NTRK3: variants seen among roughly 807,000 people sequenced by gnomAD.
The protein encoded by NTRK3 is neurotrophic receptor tyrosine kinase 3, also known as NT-3 growth factor receptor.
A neutral mutation model predicts 91.7 loss-of-function variants in NTRK3; 24 were observed. That is an observed-to-expected ratio of 0.26 (90% CI 0.19 to 0.37). The LOEUF (loss-of-function observed/expected upper bound fraction) is 0.37, where lower values mean the gene tolerates loss of function less well. Ranked by LOEUF, NTRK3 falls within the 10% of genes least tolerant of loss-of-function variation. NTRK3 has a pLI of 1.00. For synonymous variants in NTRK3, 483 were observed against 404.0 expected (o/e 1.20, Z -2.34); for missense variants, 880 against 1,068.9 (o/e 0.82, Z 2.46).
chr15:88,192,413 G>A (rs1217140237), intron 3 of NTRK3, among the ~76,000 whole-genome samples: 1 of 152,092 alleles, frequency 6.6e-6, no homozygotes, highest in Non-Finnish European at 1.5e-5. Flanking sequence ...GCTGGCACAG[G>A]ATGGCAACCC....
chr15:88,157,266 C>A lies in NTRK3; in HGVS notation c.396-9863G>T, dbSNP rs78875026. ...ACCACACTACACACCATACCACGCACACATATTCAAACATACACACTTATC... is the reference window on the plus strand; with the variant it reads ...ACCACACTACACACCATACCACGCAAACATATTCAAACATACACACTTATC... On this transcript the variant is annotated intron_variant, in intron 5 of 18. Transcript: ENST00000394480. 6.0e-3 allele frequency among the ~76,000 whole-genome samples: 915 copies of A among 152,216 alleles called. 11 individuals carry two copies. Among genetic ancestry groups the A allele is most frequent in the African/African-American group, 0.021 (870 of 41,538 alleles).
At chr15:87,920,891 C>T (rs2067813598) in intron 17 of NTRK3, among the ~76,000 whole-genome samples, 2 of 152,130 alleles carry the variant, frequency 1.3e-5, no homozygotes, top group African/African-American at 2.4e-5. Context: ...GGTTTGGTAT[C>T]GCAGAGTGAA....
intron 10 of NTRK3, among the ~76,000 whole-genome samples, chr15:88,130,029 T>C (rs142061916): frequency 1.7e-4 from 26 of 152,256 alleles, no homozygotes; most frequent in African/African-American, 5.8e-4. Context: ...AACACTGCCA[T>C]CTGCAAGCCA....
chr15:87,912,929 AAAATATATATATATATATATAT>A (rs1469181147), intron 17 of NTRK3, among the ~76,000 whole-genome samples: 25 of 15,090 alleles, frequency 1.7e-3, no homozygotes, highest in African/African-American at 4.8e-3. Flanking sequence ...AAAGTAAAAA[AAAATATATATATATATATATAT>A]ATATATATAT....
chr15:87,870,044 C>T (rs949221172), exon 19 of NTRK3: 7 of 190,292 alleles, frequency 3.7e-5, no homozygotes, highest in Non-Finnish European at 6.6e-5. Context: ...GGGTATCTGC[C>T]CAGAGGAAAA....
intron 14 of NTRK3, among the ~76,000 whole-genome samples, chr15:87,997,719 G>A (rs2075805966): frequency 2.6e-5 from 4 of 152,198 alleles, no homozygotes; most frequent in South Asian, 2.1e-4. Context: ...ATTGAGGTAC[G>A]TTTCTTACGT....
chr15:88,140,400 C>T (rs1034056645), intron 6 of NTRK3, among the ~76,000 whole-genome samples: 1 of 152,202 alleles, frequency 6.6e-6, no homozygotes, highest in Non-Finnish European at 1.5e-5. Flanking sequence ...AACCCTGGCA[C>T]GTGGCTACAT....
chr15:88,133,069 C>A (rs939115022), intron 10 of NTRK3, among the ~76,000 whole-genome samples: 6 of 152,098 alleles, frequency 3.9e-5, no homozygotes, highest in South Asian at 2.1e-4. Flanking sequence ...TCTCTGATTC[C>A]GTAGATGTGA....
At chr15:87,951,093 C>T (rs1007112163) in intron 14 of NTRK3, among the ~76,000 whole-genome samples, 31 of 152,180 alleles carry the variant, frequency 2.0e-4, no homozygotes. Context: ...TCTGAGCAAC[C>T]ATGTGAGCTC....
At chr15:87,971,466 C>T (rs1185689098) in intron 14 of NTRK3, among the ~76,000 whole-genome samples, 3 of 152,226 alleles carry the variant, frequency 2.0e-5, no homozygotes, top group Non-Finnish European at 2.9e-5. Flanking sequence ...GAGATTCTGA[C>T]AGAATATAAT....
intron 14 of NTRK3, among the ~76,000 whole-genome samples, chr15:87,941,847 G>T (rs1242132609): frequency 1.3e-5 from 2 of 152,212 alleles, no homozygotes; most frequent in Admixed American, 1.3e-4. Context: ...GCGATGAAAA[G>T]AGCAAACAGG....
intron 3 of NTRK3, among the ~76,000 whole-genome samples, chr15:88,221,469 T>G (rs1490410125): frequency 1.3e-5 from 2 of 152,172 alleles, no homozygotes; most frequent in African/African-American, 4.8e-5. Flanking sequence ...CCACATAACC[T>G]GATCCTGATG....
At chr15:88,045,766 T>C (rs1394995065) in intron 13 of NTRK3, among the ~76,000 whole-genome samples, 1 of 152,224 alleles carries the variant, frequency 6.6e-6, no homozygotes, top group Non-Finnish European at 1.5e-5. Context: ...GGCATGTTAA[T>C]GCATCACTCT....
intron 13 of NTRK3, among the ~76,000 whole-genome samples, chr15:88,106,057 G>A (rs1015835162): frequency 2.0e-5 from 3 of 152,242 alleles, no homozygotes; most frequent in Non-Finnish European, 4.4e-5. Flanking sequence ...GTGTGCGTAT[G>A]TTCAAGGATT....
chr15:88,126,232 C>T (rs2151104496), intron 13 of NTRK3, 39 bp downstream of exon 13: 2 of 1,385,730 alleles, frequency 1.4e-6, no homozygotes, highest in African/African-American at 1.4e-5. Flanking sequence ...AGTAATGTTT[C>T]CCCCCATGAC....
intron 14 of NTRK3, among the ~76,000 whole-genome samples, chr15:87,961,672 G>T (rs1055820393): frequency 6.6e-6 from 1 of 152,268 alleles, no homozygotes; most frequent in Non-Finnish European, 1.5e-5. Context: ...TCCCCTAAAA[G>T]CTCCTGCTTT....
At chr15:88,227,512 G>T (rs2050778209) in intron 3 of NTRK3, among the ~76,000 whole-genome samples, 1 of 152,148 alleles carries the variant, frequency 6.6e-6, no homozygotes, top group South Asian at 2.1e-4. Flanking sequence ...GGGGACATGT[G>T]CACACAGAAG....
chr15:88,133,753 C>T (rs2151178475), intron 10 of NTRK3, among the ~76,000 whole-genome samples: 1 of 152,296 alleles, frequency 6.6e-6, no homozygotes, highest in South Asian at 2.1e-4. Flanking sequence ...GGGGAAGTGT[C>T]ATGGGGGCTT....
At chr15:88,178,285 AT>A (rs1357170822) in intron 5 of NTRK3, among the ~76,000 whole-genome samples, 1 of 152,236 alleles carries the variant, frequency 6.6e-6, no homozygotes. Context: ...ACATTGAGTA[AT>A]TTATAATACA....
Sources: allele counts gnomAD v4.1 joint callset (sites outside exome capture counted in the v4.1 genomes callset), GRCh38; gene constraint gnomAD v4.1.1; transcripts MANE v1.5; gene names NCBI Gene and HGNC (gene_info 2026-07-23, HGNC 2026-07-21).